Variants in FNBP1 observed in about 807,000 individuals in gnomAD.
FNBP1 encodes formin binding protein 1, also known as formin-binding protein 1.
A neutral mutation model predicts 90.6 loss-of-function variants in FNBP1; 26 were observed. The ratio of observed to expected loss-of-function variants is 0.29; its 90% confidence interval spans 0.21 to 0.40. The LOEUF is 0.40. FNBP1 is among the 10% of genes least tolerant of loss of function. The probability of loss-of-function intolerance (pLI) is 1.00; values close to 1 mark genes in which losing one functional copy is unlikely to be tolerated. For synonymous variants in FNBP1, 260 were observed against 265.2 expected (o/e 0.98, Z 0.19); for missense variants, 635 against 768.0 (o/e 0.83, Z 2.05).
At chr9:129,955,831 G>GCACA (rs1491412987) in intron 6 of FNBP1, among the ~76,000 whole-genome samples, 3 of 29,868 alleles carry the variant, frequency 1.0e-4, no homozygotes, top group Non-Finnish European at 2.4e-4. Context: ...ACTTCTTTTA[G>GCACA]CGCGCACACA....
At chr9:130,023,462 C>CT (rs2058045627) in intron 1 of FNBP1, among the ~76,000 whole-genome samples, 1 of 152,156 alleles carries the variant, frequency 6.6e-6, no homozygotes, top group African/African-American at 2.4e-5. Flanking sequence ...GGGCTAGAGA[C>CT]TTCCCCGGCC....
intron 6 of FNBP1, among the ~76,000 whole-genome samples, chr9:129,952,154 T>C (rs987699438): frequency 4.0e-5 from 6 of 151,710 alleles, no homozygotes; most frequent in Admixed American, 3.3e-4. Flanking sequence ...ATTACACCAC[T>C]GCACTCCAGC....
At chr9:129,936,949 C>G (rs2132225261) in intron 6 of FNBP1, among the ~76,000 whole-genome samples, 1 of 152,222 alleles carries the variant, frequency 6.6e-6, no homozygotes. Flanking sequence ...GCAGGTGGAT[C>G]ACCTGAGGTC....
At chr9:130,034,322 A>C (rs961187886) in intron 1 of FNBP1, among the ~76,000 whole-genome samples, 3 of 151,552 alleles carry the variant, frequency 2.0e-5, no homozygotes, top group African/African-American at 7.3e-5. Context: ...CAAAAAAAAA[A>C]AAAAAAACAA....
rs181758574 is a variant in FNBP1, at chr9:129,984,599, C to T, written c.141-5225G>A. On this transcript the variant is annotated intron_variant, in intron 2 of 16. Transcript: ENST00000446176. The stretch of plus-strand genomic sequence containing the variant: ...CTCCAGGCTGAGTGCCCTGGGGGTT[C>T]GCCCCAAACCCAGGGATTCCACAGG... 9.3e-4 allele frequency among the ~76,000 whole-genome samples: 141 copies of T among 152,224 alleles called. 1 individual carries two copies. The highest frequency in any genetic ancestry group is 7.7e-3 in the Admixed American group (118 of 15,290).
At chr9:129,953,564 T>C (rs944701457) in intron 6 of FNBP1, among the ~76,000 whole-genome samples, 1 of 152,084 alleles carries the variant, frequency 6.6e-6, no homozygotes, top group African/African-American at 2.4e-5. Context: ...TTTGGAAATT[T>C]AAAACCATGC....
intron 11 of FNBP1, among the ~76,000 whole-genome samples, chr9:129,910,457 G>C (rs1284157231): frequency 7.7e-6 from 1 of 130,164 alleles, no homozygotes; most frequent in Non-Finnish European, 1.5e-5. Flanking sequence ...ACTCCAGCCT[G>C]GGCGACAATG....
rs1474936889 is a variant in FNBP1, at chr9:129,890,577, C to A, written c.1847-31G>T. 6.4e-7 allele frequency: 1 copy of A among 1,568,822 alleles called. No homozygotes were observed. Among genetic ancestry groups the A allele is most frequent in the South Asian group, 1.2e-5 (1 of 85,136 alleles). On this transcript the variant is annotated intron_variant, in intron 16 of 16. Coordinates refer to ENST00000446176, the MANE Select transcript of FNBP1 (RefSeq NM_015033.3). The surrounding 1 kb of genome is among the most constrained non-coding windows in gnomAD (Gnocchi z 5.8). ...ACACAAAGAGAAACAGAAAGAGAAA[C>A]TCTCTGTTAGAGAGGAAGGCGCGGG...
Position 129,890,599 on chromosome 9 carries a change from C to T in FNBP1, c.1847-53G>A, listed in dbSNP as rs576130765. ...AAACTCTCTGTTAGAGAGGAAGGCG[C>T]GGGTTCCAGGCGGGCATTTTGCTCT... On this transcript the variant is annotated intron_variant, in intron 16 of 16. Coordinates refer to ENST00000446176, the MANE Select transcript of FNBP1 (RefSeq NM_015033.3). The surrounding 1 kb of genome is among the most constrained non-coding windows in gnomAD (Gnocchi z 5.8). 308 of 1,279,736 alleles carry T rather than the reference C, an allele frequency of 2.4e-4. No individual in the cohort carries two copies. The highest frequency in any genetic ancestry group is 2.2e-3 in the South Asian group (174 of 80,434). 79.3% of individuals were successfully genotyped at this position (1,279,736 alleles called of 1,614,324 possible). A position where few individuals can be genotyped will look rare whatever the true frequency, so the allele number is the denominator to read the frequency against.
intron 2 of FNBP1, among the ~76,000 whole-genome samples, chr9:129,989,212 T>C (rs1185315968): frequency 6.6e-6 from 1 of 152,220 alleles, no homozygotes; most frequent in Non-Finnish European, 1.5e-5. Context: ...GAGTCATACA[T>C]GCTATCTTTA....
At chr9:129,960,030 C>T (rs1253213444) in intron 4 of FNBP1, among the ~76,000 whole-genome samples, 1 of 152,012 alleles carries the variant, frequency 6.6e-6, no homozygotes, top group Non-Finnish European at 1.5e-5. Flanking sequence ...ATGATTATTC[C>T]ATCATGTGGC....
At chr9:130,027,204 C>T (rs2058427908) in intron 1 of FNBP1, among the ~76,000 whole-genome samples, 1 of 151,966 alleles carries the variant, frequency 6.6e-6, no homozygotes, top group African/African-American at 2.4e-5. Context: ...ACAGAATCAC[C>T]ATATTCAAAG....
chr9:129,904,558 G>C (rs1192280425), intron 12 of FNBP1, among the ~76,000 whole-genome samples: 1 of 152,164 alleles, frequency 6.6e-6, no homozygotes, highest in Non-Finnish European at 1.5e-5. Flanking sequence ...TACATTCTGA[G>C]TCATGAGAAA....
chr9:129,898,009 T>C (rs1272160565), intron 15 of FNBP1, among the ~76,000 whole-genome samples: 5 of 152,094 alleles, frequency 3.3e-5, no homozygotes, highest in South Asian at 4.1e-4. Context: ...TTTGTATTTT[T>C]AGTAGAGACG....
At chr9:129,937,755 TTATCAGAG>T (rs1447198808) in intron 6 of FNBP1, among the ~76,000 whole-genome samples, 1 of 151,970 alleles carries the variant, frequency 6.6e-6, no homozygotes, top group Non-Finnish European at 1.5e-5. Flanking sequence ...TTTTTAAAGT[TTATCAGAG>T]TTTGCCTTTG....
chr9:129,963,007 G>T (rs1050002384), intron 4 of FNBP1, among the ~76,000 whole-genome samples: 1 of 152,144 alleles, frequency 6.6e-6, no homozygotes, highest in Non-Finnish European at 1.5e-5. Context: ...CGAAGAGAAA[G>T]ATCCCATTTC....
rs927032901 is a variant in FNBP1 at position 129,896,068 on chromosome 9, A to G, written c.1688-72T>C. ...GGAGGAAGCAAACAGTGGCCTTCGC[A>G]ATGAAACAAGTGTCGTCGAAGATGA... On this transcript the variant is annotated intron_variant, in intron 15 of 16. Coordinates refer to ENST00000446176, the MANE Select transcript of FNBP1 (RefSeq NM_015033.3). 8.2e-5 allele frequency: 120 copies of G among 1,469,552 alleles called. 1 individual carries two copies. In the East Asian group the frequency reaches 2.8e-3, roughly 34 times the overall value. 91.0% of individuals were successfully genotyped at this position (1,469,552 alleles called of 1,614,324 possible).
At position 129,887,734 on chromosome 9, in the gene FNBP1, C is replaced by T. The variant is rs1196458960; in HGVS notation, c.*2805G>A. 1.8e-5 allele frequency: 4 copies of T among 224,962 alleles called. No individual in the cohort carries two copies. The highest frequency in any genetic ancestry group is 5.7e-5 in the Admixed American group (1 of 17,454). The allele number at this position is 224,962 out of a possible 1,614,324, so 13.9% of individuals were successfully genotyped here. ...AACTGGGTAAAGGACAAGTTCCTCC[C>T]TTTCACTGCGTTTCTAAGAACTTTT... On this transcript the variant is annotated 3_prime_UTR_variant, in exon 17 of 17. Coordinates refer to ENST00000446176, the MANE Select transcript of FNBP1 (RefSeq NM_015033.3).
In FNBP1 at chr9:129,890,264, C is replaced by A; in HGVS notation, c.*275G>T. On this transcript the variant is annotated 3_prime_UTR_variant, in exon 17 of 17. Coordinates refer to ENST00000446176, the MANE Select transcript of FNBP1 (RefSeq NM_015033.3). The surrounding 1 kb of genome is among the most constrained non-coding windows in gnomAD (Gnocchi z 5.8). ...CAGGTAGGGGCGTGTGTCCCACCGT[C>A]TCAGTGGCCTGCGCGGGGTGGGGAG... 1.7e-5 allele frequency: 9 copies of A among 526,494 alleles called. No individual in the cohort carries two copies. The highest frequency in any genetic ancestry group is 3.5e-5 in the Admixed American group (1 of 28,524). The allele number at this position is 526,494 out of a possible 1,614,324, so 32.6% of individuals were successfully genotyped here. A position where few individuals can be genotyped will look rare whatever the true frequency, so the allele number is the denominator to read the frequency against.
Sources: allele counts gnomAD v4.1 joint callset (sites outside exome capture counted in the v4.1 genomes callset), GRCh38; gene constraint gnomAD v4.1.1; non-coding constraint Gnocchi (gnomAD v3.1); transcripts MANE v1.5; gene names NCBI Gene and HGNC (gene_info 2026-07-23, HGNC 2026-07-21).